ADGRV1: variants seen among roughly 807,000 people sequenced by gnomAD.
The protein encoded by ADGRV1 is G-protein coupled receptor 98.
A neutral mutation model predicts 596.2 loss-of-function variants in ADGRV1; 359 were observed. The ratio of observed to expected loss-of-function variants is 0.60; its 90% CI spans 0.55 to 0.66. ADGRV1 has a LOEUF of 0.66. Among genes scored for constraint, ADGRV1 ranks in the 30% least tolerant of loss-of-function variants. The pLI is 0.00. For synonymous variants in ADGRV1, 2,681 were observed against 2,679.2 expected (o/e 1.00, Z -0.02); for missense variants, 7,274 against 7,575.6 (o/e 0.96, Z 1.48).
At chr5:90,587,734 T>C (rs947601471) in intron 1 of ADGRV1, among the ~76,000 whole-genome samples, 1 of 151,998 alleles carries the variant, frequency 6.6e-6, no homozygotes, top group Non-Finnish European at 1.5e-5. Flanking sequence ...ATTTTTTGTA[T>C]TTTTAGTAGA....
chr5:90,838,645 A>G (rs1320897188), intron 77 of ADGRV1, among the ~76,000 whole-genome samples: 1 of 152,122 alleles, frequency 6.6e-6, no homozygotes, highest in Non-Finnish European at 1.5e-5. Flanking sequence ...CCAGTTTTCC[A>G]CCATTCATTA....
chr5:90,862,243 C>T lies in ADGRV1; in HGVS notation c.17756-1514C>T, dbSNP rs150897965. 5.5e-3 allele frequency among the ~76,000 whole-genome samples: 843 copies of T among 152,158 alleles called. 3 individuals are homozygous for T. Among genetic ancestry groups the T allele is most frequent in the African/African-American group, 0.019 (794 of 41,482 alleles). ...CTCCTTGCTGAGCACTAATTCCTTG[C>T]CTCACATTGTCATCCTCTACCACAG... On this transcript the variant is annotated intron_variant, in intron 82 of 89. Transcript: ENST00000405460.
At chr5:91,072,399 T>C (rs770684139) in intron 85 of ADGRV1, 48 bp from the exon 86 acceptor site, 1 of 1,481,548 alleles carries the variant, frequency 6.7e-7, no homozygotes, top group Admixed American at 1.7e-5. Context: ...CATTTAGAAA[T>C]ATTTGCGCTG....
rs1581966010 is a variant in ADGRV1 at position 91,071,590 on chromosome 5, T to A, written c.18153-857T>A. 1.3e-5 allele frequency among the ~76,000 whole-genome samples: 2 copies of A among 152,332 alleles called. 1 individual carries two copies. ...GGGTTAAACAAAATTTACTAAATGC[T>A]GTATGTGAATTATTTCGGTTAATCT... On this transcript the variant is annotated intron_variant, in intron 85 of 89. Transcript: ENST00000405460.
intron 85 of ADGRV1, among the ~76,000 whole-genome samples, chr5:91,057,206 A>G (rs1786963163): frequency 1.3e-5 from 2 of 152,256 alleles, no homozygotes; most frequent in Admixed American, 1.3e-4. Context: ...TGGGATGGAT[A>G]TCACACTTTT....
intron 34 of ADGRV1, among the ~76,000 whole-genome samples, chr5:90,701,197 GT>G (rs1311820117): frequency 6.6e-6 from 1 of 152,068 alleles, no homozygotes; most frequent in East Asian, 1.9e-4. Flanking sequence ...CTAGAAGGCT[GT>G]TTAGTACCTA....
chr5:90,981,944 T>A (rs1780108800), intron 84 of ADGRV1, among the ~76,000 whole-genome samples: 1 of 143,970 alleles, frequency 6.9e-6, no homozygotes, highest in South Asian at 2.3e-4. Context: ...CCAGTGGCAC[T>A]CATTGATTCA....
chr5:90,748,998 T>C lies in ADGRV1; in HGVS notation c.10975-1553T>C, dbSNP rs533822500. Among the ~76,000 whole-genome samples the C allele has an allele frequency of 9.1e-4, 139 of 152,220 alleles. No individual in the cohort carries two copies. The Middle Eastern group carries it at 0.014, about 15-fold the overall frequency. ...CTTCTCAAGGCCTTATACAACTCTA[T>C]AGGGCAGAGCTGGGCTTCCTGGGGT... On this transcript the variant is annotated intron_variant, in intron 52 of 89. Transcript: ENST00000405460.
intron 85 of ADGRV1, among the ~76,000 whole-genome samples, chr5:91,006,373 A>T (rs1782278094): frequency 6.6e-6 from 1 of 152,184 alleles, no homozygotes; most frequent in Non-Finnish European, 1.5e-5. Context: ...TGTAAAGAGA[A>T]AAAAGTCACA....
intron 52 of ADGRV1, among the ~76,000 whole-genome samples, chr5:90,750,189 C>T (rs1755084615): frequency 6.6e-6 from 1 of 152,196 alleles, no homozygotes; most frequent in Non-Finnish European, 1.5e-5. Flanking sequence ...GACTCTATAT[C>T]CGTTCTCTTC....
At position 90,745,613 on chromosome 5, in the gene ADGRV1, C is replaced by A. The variant is rs754687318; in HGVS notation, c.10792C>A (p.Pro3598Thr). Residue 3598 changes from proline (P) to threonine (T), a missense_variant, in exon 52 of 90, where the codon CCT becomes ACT. Physicochemically the swap from Pro to Thr is conservative, Grantham distance 38. Coordinates refer to ENST00000405460, the MANE Select transcript of ADGRV1 (RefSeq NM_032119.4). ...TAGTTCAGGTGAACTGATATTTGAA[C>A]CTGGTGAGAGAGAAGCTACAATAGC... Reference protein sequence around the residue: ...IPSSGELIFEPGEREATIAVN... With the variant: ...IPSSGELIFETGEREATIAVN... 2 of 1,610,722 alleles carry A rather than the reference C, an allele frequency of 1.2e-6. No homozygotes were observed. The highest frequency in any genetic ancestry group is 2.2e-5 in the East Asian group (1 of 44,810).
chr5:90,777,904 G>A lies in ADGRV1; in HGVS notation c.12528-1G>A. 1 of 1,608,904 alleles carries A rather than the reference G, an allele frequency of 6.2e-7. No homozygotes were observed. Among genetic ancestry groups the A allele is most frequent in the Non-Finnish European group, 8.5e-7 (1 of 1,176,304 alleles). On this transcript the variant is annotated splice_acceptor_variant, in intron 61 of 89. Coordinates refer to ENST00000405460, the MANE Select transcript of ADGRV1 (RefSeq NM_032119.4). LOFTEE classifies it high-confidence loss of function. Reference sequence around the variant, plus strand: ...GGATATACATTTGTTTATTGTTGTAGCCTTGTTCGAGGCCCAGGGATTTTG... The same window carrying A: ...GGATATACATTTGTTTATTGTTGTAACCTTGTTCGAGGCCCAGGGATTTTG...
chr5:90,606,258 A>G (rs1010790455), intron 1 of ADGRV1, among the ~76,000 whole-genome samples: 4 of 152,200 alleles, frequency 2.6e-5, no homozygotes, highest in African/African-American at 9.6e-5. Context: ...GAGGATGAAG[A>G]GAGTCTCTTG....
rs1449901146 is a variant in ADGRV1, at chr5:90,781,446, A to G, written c.13099A>G (p.Ile4367Val). 1.2e-6 allele frequency: 2 copies of G among 1,605,102 alleles called. No homozygotes were observed. Among genetic ancestry groups the G allele is most frequent in the South Asian group, 1.1e-5 (1 of 89,972 alleles). The change falls in exon 65 of 90, where the codon ATT becomes GTT. Residue 4367 changes from isoleucine (I) to valine (V), a missense_variant. Physicochemically the swap from Ile to Val is conservative, Grantham distance 29. Transcript: ENST00000405460. ...ELQGRGYDFT[I>V]QENGLQIDQP... ...CTTTGGAAGAGGGTATGATTTTACC[A>G]TTCAAGAAAATGGACTTCAGATAGA...
At chr5:90,577,855 A>C (rs1307736849) in intron 1 of ADGRV1, among the ~76,000 whole-genome samples, 2 of 152,018 alleles carry the variant, frequency 1.3e-5, no homozygotes, top group Admixed American at 6.6e-5. Context: ...TTGGATTCCT[A>C]GGTATTTTAT....
chr5:90,755,227 A>C, intron 55 of ADGRV1, 42 bp downstream of exon 55: 2 of 1,327,782 alleles, frequency 1.5e-6, no homozygotes, highest in South Asian at 1.4e-5. Context: ...AATAGAGGAA[A>C]ATTCTCTTAA....
chr5:90,579,748 T>C (rs1481582412), intron 1 of ADGRV1, among the ~76,000 whole-genome samples: 8 of 152,206 alleles, frequency 5.3e-5, no homozygotes, highest in African/African-American at 1.9e-4. Flanking sequence ...TCTAAGTCTC[T>C]TTGTAGGTCT....
intron 85 of ADGRV1, among the ~76,000 whole-genome samples, chr5:91,019,516 T>A (rs2151180818): frequency 6.6e-6 from 1 of 152,174 alleles, no homozygotes; most frequent in African/African-American, 2.4e-5. Flanking sequence ...CTTCTTGCCC[T>A]TGGCTAACAG....
chr5:90,917,263 A>G lies in ADGRV1; in HGVS notation c.17857-48152A>G, dbSNP rs78494562. Among the ~76,000 whole-genome samples, 460 of 152,224 alleles carry G rather than the reference A, an allele frequency of 3.0e-3. 3 individuals are homozygous for G. Among genetic ancestry groups the G allele is most frequent in the African/African-American group, 0.011 (445 of 41,480 alleles). On this transcript the variant is annotated intron_variant, in intron 83 of 89. Transcript: ENST00000405460. ...ACTCCAAAAATGAAAAGAAGGGGAA[A>G]ATGCCACAAATAGCTATGTTTATAA...
Sources: gnomAD v4.1 joint callset for allele counts (sites outside exome capture counted in the v4.1 genomes callset) on GRCh38, gnomAD v4.1.1 for gene constraint, MANE v1.5 for transcripts, NCBI Gene and HGNC (gene_info 2026-07-23, HGNC 2026-07-21) for gene names.